PDPK1: variants seen among roughly 807,000 people sequenced by gnomAD.
PDPK1 encodes the protein 3-phosphoinositide dependent protein kinase 1.
A neutral mutation model predicts 39.8 loss-of-function variants in PDPK1; 7 were observed. The observed-to-expected ratio is 0.18, with a 90% CI of 0.10 to 0.33. The LOEUF (loss-of-function observed/expected upper bound fraction) is 0.33, where lower values mean the gene tolerates loss of function less well. Among genes scored for constraint, PDPK1 ranks in the 10% least tolerant of loss-of-function variants. The pLI, the probability that PDPK1 is intolerant of heterozygous loss-of-function variation, is 1.00. For synonymous variants in PDPK1, 118 were observed against 159.1 expected, an observed-to-expected ratio of 0.74 and a Z score of 1.95; for missense variants, 182 against 384.7, an observed-to-expected ratio of 0.47 and a Z score of 4.41.
At chr16:2,584,737 C>T (rs1325414762) in intron 10 of PDPK1, among the ~76,000 whole-genome samples, 3 of 148,048 alleles carry the variant, frequency 2.0e-5, no homozygotes, top group East Asian at 1.9e-4. Flanking sequence ...TTCCCAACGC[C>T]CCTACCTGCT....
chr16:2,552,436 C>T (rs1312582046), intron 1 of PDPK1, among the ~76,000 whole-genome samples: 1 of 151,764 alleles, frequency 6.6e-6, no homozygotes, highest in East Asian at 1.9e-4. Context: ...TTGTTTAAAA[C>T]TCAGGGTTTG....
intron 7 of PDPK1, chr16:2,578,383 C>T (rs1201907656): frequency 7.0e-6 from 1 of 142,584 alleles, no homozygotes; most frequent in African/African-American, 2.8e-5. Flanking sequence ...TGGAGAAGCC[C>T]AGCCAGGGGA....
At chr16:2,589,215 C>G (rs1039304849) in intron 11 of PDPK1, among the ~76,000 whole-genome samples, 10 of 152,190 alleles carry the variant, frequency 6.6e-5, no homozygotes, top group African/African-American at 1.9e-4. Context: ...CTCGGCTTCT[C>G]AAAGTGCTGG....
rs200359888 is a variant in PDPK1, at chr16:2,602,250, G to A, written c.*4483G>A. The A allele has an allele frequency of 2.6e-5, 6 of 234,650 alleles. No homozygotes were observed. Among genetic ancestry groups the A allele is most frequent in the Middle Eastern group, 1.3e-3 (1 of 786 alleles). The allele number at this position is 234,650 out of a possible 1,614,324, so 14.5% of individuals were successfully genotyped here. On this transcript the variant is annotated 3_prime_UTR_variant, in exon 14 of 14. Transcript: ENST00000342085. ...AGCACACGTGGCAAGTGCCTGAATC[G>A]GGGCTGGAGGCACTTCAGAGCCTCT...
intron 1 of PDPK1, among the ~76,000 whole-genome samples, chr16:2,539,967 G>A (rs1289249078): frequency 1.3e-5 from 2 of 152,242 alleles, no homozygotes; most frequent in Admixed American, 6.5e-5. Context: ...CAGTGAGCAA[G>A]AATGATAGAA....
Position 2,597,415 on chromosome 16 carries a change from C to T in PDPK1, c.1554+140C>T. 1.2e-6 allele frequency: 1 copy of T among 810,722 alleles called. No homozygotes were observed. Among genetic ancestry groups the T allele is most frequent in the Non-Finnish European group, 2.0e-6 (1 of 498,148 alleles). The allele number at this position is 810,722 out of a possible 1,614,324, so 50.2% of individuals were successfully genotyped here. On this transcript the variant is annotated intron_variant, in intron 13 of 13. Coordinates refer to ENST00000342085, the MANE Select transcript of PDPK1 (RefSeq NM_002613.5). The surrounding 1 kb of genome is among the most constrained non-coding windows in gnomAD (Gnocchi z 6.3). ...CGCCCTTTCCGACATCCCAGACGCC[C>T]ACACTAGTGGCTCAGTCCTGAGGGG...
chr16:2,541,133 A>T (rs1297586451), intron 1 of PDPK1, among the ~76,000 whole-genome samples: 1 of 152,082 alleles, frequency 6.6e-6, no homozygotes, highest in African/African-American at 2.4e-5. Context: ...TGCTTTTCTG[A>T]GATGTGTTCT....
rs775455481 is a variant in PDPK1, at chr16:2,593,216, A to G, written c.1344-2577A>G. The G allele has an allele frequency of 1.0e-4, 40 of 386,168 alleles. No homozygotes were observed. The highest frequency in any genetic ancestry group is 2.5e-5 in the Non-Finnish European group (5 of 197,450). The allele number at this position is 386,168 out of a possible 1,614,324, so 23.9% of individuals were successfully genotyped here. On this transcript the variant is annotated intron_variant, in intron 11 of 13. Coordinates refer to ENST00000342085, the MANE Select transcript of PDPK1 (RefSeq NM_002613.5). The surrounding 1 kb of genome is among the most constrained non-coding windows in gnomAD (Gnocchi z 4.2). ...TCAATGTCTTCATTTAGGGCCATTG[A>G]GAGTTTCTTGTGTCACTGAATTCCT...
intron 12 of PDPK1, among the ~76,000 whole-genome samples, chr16:2,596,864 G>GA (rs1198134906): frequency 1.3e-5 from 2 of 152,166 alleles, no homozygotes; most frequent in African/African-American, 4.8e-5. Context: ...AGGCAGAGCA[G>GA]AGGGGCCAGG....
At chr16:2,595,615 C>T (rs184591659) in intron 11 of PDPK1, among the ~76,000 whole-genome samples, 178 bp from the exon 12 acceptor site, 16 of 152,262 alleles carry the variant, frequency 1.1e-4, no homozygotes, top group East Asian at 5.8e-4. Flanking sequence ...AGGCTCTCTG[C>T]GTGGCAGTGC....
intron 1 of PDPK1, among the ~76,000 whole-genome samples, chr16:2,539,765 G>C (rs907393501): frequency 1.3e-5 from 2 of 152,184 alleles, no homozygotes; most frequent in Non-Finnish European, 2.9e-5. Flanking sequence ...CCCAGTGACA[G>C]TCATGGCGAA....
chr16:2,546,254 T>G lies in PDPK1; in HGVS notation c.24+8118T>G, dbSNP rs1482183381. Among the ~76,000 whole-genome samples, 7 of 145,872 alleles carry G rather than the reference T, an allele frequency of 4.8e-5. 1 individual carries two copies. The highest frequency in any genetic ancestry group is 4.8e-4 in the Admixed American group (7 of 14,598). On this transcript the variant is annotated intron_variant, in intron 1 of 13. Coordinates refer to ENST00000342085, the MANE Select transcript of PDPK1 (RefSeq NM_002613.5). Reference sequence around the variant, plus strand: ...GCCTACCACTGCGCCCGGCTAATTTTTGTGTTTTTAGTAGAGACGGGGTTT... The same window carrying G: ...GCCTACCACTGCGCCCGGCTAATTTGTGTGTTTTTAGTAGAGACGGGGTTT...
At chr16:2,546,337 C>A (rs1465721625) in intron 1 of PDPK1, among the ~76,000 whole-genome samples, 1 of 149,118 alleles carries the variant, frequency 6.7e-6, no homozygotes, top group Admixed American at 6.7e-5. Context: ...CCACCTCAGC[C>A]TCCCAAAGTG....
intron 7 of PDPK1, among the ~76,000 whole-genome samples, chr16:2,580,500 G>T: frequency 7.7e-6 from 1 of 129,954 alleles, no homozygotes; most frequent in African/African-American, 3.1e-5. Flanking sequence ...TACGCCCTTG[G>T]TACATGTGTT....
chr16:2,544,999 A>C (rs529781455), intron 1 of PDPK1, among the ~76,000 whole-genome samples: 1 of 150,186 alleles, frequency 6.7e-6, no homozygotes, highest in Non-Finnish European at 1.5e-5. Flanking sequence ...CACCTGTACA[A>C]CCTCTTCATC....
intron 1 of PDPK1, among the ~76,000 whole-genome samples, chr16:2,550,392 G>A (rs1359264875): frequency 1.7e-4 from 13 of 75,298 alleles, no homozygotes; most frequent in Admixed American, 3.1e-4. Context: ...GGCTCGAGTG[G>A]CCCTCCAGAT....
intron 11 of PDPK1, among the ~76,000 whole-genome samples, chr16:2,591,041 C>A (rs1420388412): frequency 1.3e-5 from 2 of 151,718 alleles, no homozygotes; most frequent in South Asian, 2.1e-4. Flanking sequence ...CAGCTCACTG[C>A]AACCTCCGCC....
Position 2,602,004 on chromosome 16 carries a change from G to A in PDPK1, c.*4237G>A, listed in dbSNP as rs530400633. On this transcript the variant is annotated 3_prime_UTR_variant, in exon 14 of 14. Transcript: ENST00000342085. The stretch of plus-strand genomic sequence containing the variant: ...ACCAGAGATTATGGCCAAATTGCAC[G>A]GAATTTGGTTTCTTGCCCTCTGAAG... 8.6e-6 allele frequency: 2 copies of A among 233,814 alleles called. No individual in the cohort carries two copies. The highest frequency in any genetic ancestry group is 4.4e-5 in the African/African-American group (2 of 45,154). 14.5% of individuals were successfully genotyped at this position (233,814 alleles called of 1,614,324 possible).
Position 2,539,116 on chromosome 16 carries a change from G to T in PDPK1, c.24+980G>T, listed in dbSNP as rs1396894703. On this transcript the variant is annotated intron_variant, in intron 1 of 13. Transcript: ENST00000342085. ...TTTTTTTTGATGGAGTCTCCCTCTC[G>T]ACGCGCAGGCTGGAGTGCAGTGATG... The T allele has an allele frequency of 6.4e-4, 125 of 196,510 alleles. 1 individual carries two copies. The highest frequency in any genetic ancestry group is 8.7e-4 in the Non-Finnish European group (90 of 103,540). 12.2% of individuals were successfully genotyped at this position (196,510 alleles called of 1,614,324 possible).
Sources: gnomAD v4.1 joint callset for allele counts (sites outside exome capture counted in the v4.1 genomes callset) on GRCh38, gnomAD v4.1.1 for gene constraint, Gnocchi (gnomAD v3.1) non-coding constraint, MANE v1.5 for transcripts, NCBI Gene and HGNC (gene_info 2026-07-23, HGNC 2026-07-21) for gene names.